NR1H3: variants seen among roughly 807,000 people sequenced by gnomAD.
NR1H3 encodes oxysterols receptor LXR-alpha.
A neutral mutation model predicts 48.1 loss-of-function variants in NR1H3; 19 were observed. The ratio of observed to expected loss-of-function variants is 0.40; its 90% CI spans 0.28 to 0.58. The LOEUF is 0.58. Among genes scored for constraint, NR1H3 ranks in the 20% least tolerant of loss-of-function variants. The pLI is 0.50. For missense variants in NR1H3, 486 were observed against 595.9 expected (o/e 0.82, Z 1.92); for synonymous variants, 232 against 227.3 (o/e 1.02, Z -0.19).
upstream of NR1H3, among the ~76,000 whole-genome samples, chr11:47,255,579 TTCTTTCTTTCTTTCTTTCTC>T (rs1197554927): frequency 4.6e-4 from 38 of 83,128 alleles, no homozygotes; most frequent in African/African-American, 2.1e-3. Flanking sequence ...CTTTCTTTCT[TTCTTTCTTTCTTTCTTTCTC>T]TCTCTCTCTC....
chr11:47,256,523 T>C (rs556362093), upstream of NR1H3, among the ~76,000 whole-genome samples: 11 of 152,076 alleles, frequency 7.2e-5, no homozygotes, highest in African/African-American at 2.4e-4. Context: ...TGAGTTGAAA[T>C]TGACTACAGC....
chr11:47,261,781 G>A lies in NR1H3; in HGVS notation c.888+55G>A, dbSNP rs760619764. ...AGAAGCAGAGTGGGATTATCTGTGG[G>A]AGGGGCCTCCAGACATCGAGCTGGG... On this transcript the variant is annotated intron_variant, in intron 6 of 9. Transcript: ENST00000441012. 6 of 1,612,370 alleles carry A rather than the reference G, an allele frequency of 3.7e-6. 1 individual carries two copies. In the Admixed American group the frequency reaches 1.0e-4, roughly 27 times the overall value.
chr11:47,268,061 CTT>C, intron 8 of NR1H3, 35 bp downstream of exon 8: 1 of 1,520,358 alleles, frequency 6.6e-7, no homozygotes, highest in Non-Finnish European at 9.1e-7. Context: ...CAGCAAGAGA[CTT>C]ACACCAAGGA....
chr11:47,256,850 C>T (rs577717912), upstream of NR1H3, among the ~76,000 whole-genome samples: 4 of 151,352 alleles, frequency 2.6e-5, no homozygotes, highest in African/African-American at 7.3e-5. Context: ...TCTGTCTCAG[C>T]CTCCCGAGTA....
At chr11:47,249,081 C>T in intron 1 of NR1H3, 3 of 1,315,230 alleles carry the variant, frequency 2.3e-6, no homozygotes, top group Middle Eastern at 2.7e-4. Flanking sequence ...TGCCTCTGCT[C>T]GGAGAAATCC....
At chr11:47,248,864 C>G (rs889584166), upstream of NR1H3, 4 of 1,551,034 alleles carry the variant, frequency 2.6e-6, no homozygotes, top group Non-Finnish European at 3.5e-6. Context: ...CGGACGCACC[C>G]GTAAGGACAC....
In NR1H3 at chr11:47,261,418, G is replaced by A. The variant is rs1160546592; in HGVS notation, c.677G>A (p.Arg226Gln). The A allele has an allele frequency of 1.1e-5, 17 of 1,614,086 alleles. No individual in the cohort carries two copies. The highest frequency in any genetic ancestry group is 1.6e-4 in the Middle Eastern group (1 of 6,062). ...GTCGCTGCCCAGCAACAGTGTAACC[G>A]GCGCTCCTTTTCTGACCGGCTTCGA... ...KLVAAQQQCNRRSFSDRLRVT... is the reference protein window; with the variant it reads ...KLVAAQQQCNQRSFSDRLRVT... Residue 226 changes from arginine to glutamine, a missense_variant, in exon 5 of 10, where the codon CGG becomes CAG. Coordinates refer to ENST00000441012, the MANE Select transcript of NR1H3 (RefSeq NM_005693.4).
At chr11:47,264,051 GCTCT>G (rs1193441546) in intron 7 of NR1H3, among the ~76,000 whole-genome samples, 2 of 152,304 alleles carry the variant, frequency 1.3e-5, no homozygotes, top group Non-Finnish European at 1.5e-5. Context: ...TCATTCTGCG[GCTCT>G]CTATCTGATG....
chr11:47,248,691 C>T (rs980288603), upstream of NR1H3: 12 of 1,611,710 alleles, frequency 7.4e-6, no homozygotes, highest in African/African-American at 1.3e-5. Context: ...TAACGAAGCG[C>T]AGACTCCGGG....
At chr11:47,252,766 T>G (rs750663006) in intron 1 of NR1H3, among the ~76,000 whole-genome samples, 2 of 149,316 alleles carry the variant, frequency 1.3e-5, no homozygotes, top group Non-Finnish European at 3.0e-5. Context: ...TTTTTTGTAT[T>G]TTTAGTAGAG....
rs776139734 is a variant in NR1H3 at position 47,261,442 on chromosome 11, G to A, written c.701G>A (p.Arg234Gln). The A allele has an allele frequency of 9.3e-6, 15 of 1,613,868 alleles. No individual in the cohort carries two copies. The South Asian group carries it at 1.2e-4, about 13-fold the overall frequency. ...CNRRSFSDRL[R>Q]VTPWPMAPDP... ...CGGCGCTCCTTTTCTGACCGGCTTC[G>A]AGTCACGGTACTTGACACACCTGGG... is the stretch of plus-strand genomic sequence containing the variant. The change falls in exon 5 of 10, where the codon CGA becomes CAA. Residue 234 changes from arginine to glutamine, a missense_variant. By Grantham distance (43) the Arg-to-Gln change is conservative. Transcript: ENST00000441012.
At chr11:47,255,595 T>TTCTCTCTCTCTCTC (rs1183559034), upstream of NR1H3, among the ~76,000 whole-genome samples, 2 of 61,372 alleles carry the variant, frequency 3.3e-5, no homozygotes, top group East Asian at 8.4e-4. Flanking sequence ...CTTTCTTTCT[T>TTCTCTCTCTCTCTC]TCTCTCTCTC....
chr11:47,250,077 G>A (rs1463280450), intron 1 of NR1H3, among the ~76,000 whole-genome samples: 1 of 151,930 alleles, frequency 6.6e-6, no homozygotes, highest in Non-Finnish European at 1.5e-5. Context: ...TCCAGCCTGC[G>A]CGACAGAGTG....
At chr11:47,250,660 C>G (rs1221508496) in intron 1 of NR1H3, 1 of 152,182 alleles carries the variant, frequency 6.6e-6, no homozygotes, top group Non-Finnish European at 1.5e-5. Flanking sequence ...GAAAAATGTT[C>G]ACACATATAA....
At chr11:47,268,409 C>G (rs568164648) in intron 9 of NR1H3, 54 bp downstream of exon 9, 8 of 1,593,320 alleles carry the variant, frequency 5.0e-6, no homozygotes, top group Non-Finnish European at 5.2e-6. Flanking sequence ...GGCCCATTCC[C>G]TGACATACCT....
upstream of NR1H3, chr11:47,248,508 C>T: frequency 6.4e-7 from 1 of 1,551,136 alleles, no homozygotes; most frequent in Non-Finnish European, 8.7e-7. Context: ...GTCATCCTGA[C>T]TCCCATAAGC....
intron 1 of NR1H3, among the ~76,000 whole-genome samples, chr11:47,251,444 T>G (rs1341749593): frequency 3.3e-5 from 5 of 151,892 alleles, no homozygotes; most frequent in African/African-American, 1.2e-4. Context: ...AAACCCCATC[T>G]CTACTAAAAA....
upstream of NR1H3, chr11:47,248,472 A>G: frequency 1.3e-6 from 2 of 1,548,242 alleles, no homozygotes; most frequent in Non-Finnish European, 1.7e-6. Context: ...TCCCTGTCTC[A>G]AGGCAGACTC....
intron 2 of NR1H3, chr11:47,259,462 C>A: frequency 1.3e-6 from 2 of 1,550,826 alleles, no homozygotes; most frequent in Non-Finnish European, 1.7e-6. Flanking sequence ...CCAGTCCTCC[C>A]CAGTCTGGAT....
Sources: allele counts gnomAD v4.1 joint callset (sites outside exome capture counted in the v4.1 genomes callset), GRCh38; gene constraint gnomAD v4.1.1; transcripts MANE v1.5; gene names NCBI Gene and HGNC (gene_info 2026-07-23, HGNC 2026-07-21).